The following NEURL1 variants were observed in gnomAD, a reference collection of about 807,000 sequenced individuals.
The protein encoded by NEURL1 is E3 ubiquitin-protein ligase NEURL1.
NEURL1 carries 26 observed loss-of-function variants against 41.2 expected under a neutral mutation model. The observed-to-expected ratio is 0.63, with a 90% CI of 0.46 to 0.87. NEURL1 has a LOEUF of 0.87. NEURL1 is among the 40% of genes least tolerant of loss of function. The pLI is 0.00. For synonymous variants in NEURL1, 400 were observed against 402.3 expected (o/e 0.99, Z 0.07); for missense variants, 761 against 871.1 (o/e 0.87, Z 1.59).
chr10:103,575,673 C>T (rs913279834), intron 3 of NEURL1, among the ~76,000 whole-genome samples: 1 of 152,100 alleles, frequency 6.6e-6, no homozygotes, highest in African/African-American at 2.4e-5. Flanking sequence ...GCAGGCCCTC[C>T]TCCCTGTTAT....
intron 1 of NEURL1, among the ~76,000 whole-genome samples, chr10:103,538,306 C>T (rs1372162875): frequency 6.6e-6 from 1 of 152,184 alleles, no homozygotes; most frequent in Non-Finnish European, 1.5e-5. Context: ...CACGGTGGCT[C>T]ACGCCTGTAG....
chr10:103,528,179 A>G (rs2034499956), intron 1 of NEURL1, among the ~76,000 whole-genome samples: 1 of 152,172 alleles, frequency 6.6e-6, no homozygotes, highest in Admixed American at 6.6e-5. Context: ...AACCTGGTGA[A>G]ACCCCATCTC....
At chr10:103,497,737 G>C (rs2033719247) in intron 1 of NEURL1, among the ~76,000 whole-genome samples, 1 of 152,182 alleles carries the variant, frequency 6.6e-6, no homozygotes. Flanking sequence ...GAACCAACAG[G>C]CAGTGCCCGA....
chr10:103,543,358 C>T (rs1170579449), intron 1 of NEURL1, among the ~76,000 whole-genome samples: 1 of 152,186 alleles, frequency 6.6e-6, no homozygotes, highest in Non-Finnish European at 1.5e-5. Flanking sequence ...GGAGGGCCCC[C>T]ACTGGTGCTG....
chr10:103,551,513 A>G (rs1473489679), intron 1 of NEURL1, among the ~76,000 whole-genome samples: 2 of 152,072 alleles, frequency 1.3e-5, no homozygotes, highest in Non-Finnish European at 2.9e-5. Context: ...CATGTTGGCA[A>G]GGCTGGTCTT....
chr10:103,528,055 A>T (rs1176303449), intron 1 of NEURL1, among the ~76,000 whole-genome samples: 1 of 152,054 alleles, frequency 6.6e-6, no homozygotes, highest in East Asian at 1.9e-4. Context: ...CCCTGTCACT[A>T]GTAAAAATAC....
chr10:103,499,960 T>C (rs980960760), intron 1 of NEURL1, among the ~76,000 whole-genome samples: 1 of 152,226 alleles, frequency 6.6e-6, no homozygotes, highest in Non-Finnish European at 1.5e-5. Context: ...AAGGTCTCCA[T>C]TCTTTGGTCA....
At chr10:103,530,849 G>T (rs1030701078) in intron 1 of NEURL1, among the ~76,000 whole-genome samples, 3 of 152,042 alleles carry the variant, frequency 2.0e-5, no homozygotes, top group Non-Finnish European at 4.4e-5. Context: ...CATGATTTCG[G>T]TTCTTTTAGA....
At chr10:103,528,825 C>T (rs2902633) in intron 1 of NEURL1, among the ~76,000 whole-genome samples, 73,971 of 151,992 alleles carry the variant, frequency 0.49, 18,802 homozygotes, top group African/African-American at 0.62. Flanking sequence ...CTGGGAACTT[C>T]CCAGGAACTG....
chr10:103,561,315 G>T (rs1397283304), intron 1 of NEURL1, among the ~76,000 whole-genome samples: 1 of 150,764 alleles, frequency 6.6e-6, no homozygotes, highest in East Asian at 1.9e-4. Context: ...AGGCTAGAGT[G>T]CAGTGGTGTG....
At chr10:103,583,355 T>A (rs763153410) in intron 3 of NEURL1, among the ~76,000 whole-genome samples, 5 of 152,092 alleles carry the variant, frequency 3.3e-5, no homozygotes, top group Admixed American at 6.5e-5. Context: ...ATTTTCAAAG[T>A]GATGTAGTAC....
At chr10:103,544,836 C>T (rs2034894281) in intron 1 of NEURL1, among the ~76,000 whole-genome samples, 1 of 152,194 alleles carries the variant, frequency 6.6e-6, no homozygotes. Context: ...GCATTTGCTG[C>T]CCACATTCTG....
intron 1 of NEURL1, among the ~76,000 whole-genome samples, chr10:103,539,907 C>T (rs1251140973): frequency 1.3e-5 from 2 of 152,082 alleles, no homozygotes; most frequent in African/African-American, 2.4e-5. Flanking sequence ...TGTTTCTTGC[C>T]TGGAATGTGG....
chr10:103,544,859 C>T (rs2034894654), intron 1 of NEURL1, among the ~76,000 whole-genome samples: 1 of 152,188 alleles, frequency 6.6e-6, no homozygotes, highest in Admixed American at 6.5e-5. Context: ...GCCCTGACTG[C>T]CACCACCGCC....
At chr10:103,505,011 C>A (rs1184332685) in intron 1 of NEURL1, among the ~76,000 whole-genome samples, 1 of 151,698 alleles carries the variant, frequency 6.6e-6, no homozygotes, top group East Asian at 1.9e-4. Context: ...GCTCCAAATG[C>A]CAATGTGCCA....
chr10:103,519,201 C>T (rs1475628918), intron 1 of NEURL1, among the ~76,000 whole-genome samples: 13 of 151,894 alleles, frequency 8.6e-5, no homozygotes, highest in South Asian at 4.2e-4. Context: ...GAGCCGAGAT[C>T]GTGCCATCAC....
intron 1 of NEURL1, among the ~76,000 whole-genome samples, chr10:103,535,730 A>G (rs1379838954): frequency 6.6e-6 from 1 of 152,146 alleles, no homozygotes; most frequent in Non-Finnish European, 1.5e-5. Flanking sequence ...AAGGAGGGGT[A>G]GATGGAGTGG....
In NEURL1 at chr10:103,494,279, C is replaced by A. The variant is rs1351820863; in HGVS notation, c.-109C>A. On this transcript the variant is annotated 5_prime_UTR_variant, in exon 1 of 6. Transcript: ENST00000369780. Reference sequence around the variant, plus strand: ...GCCCCCGGCTGCAGCCCCAGCAGGGCCCTCCCCCGGTGGCGCGCACCCGCG... The same window carrying A: ...GCCCCCGGCTGCAGCCCCAGCAGGGACCTCCCCCGGTGGCGCGCACCCGCG... The A allele has an allele frequency of 4.0e-5, 33 of 823,680 alleles. No homozygotes were observed. Among genetic ancestry groups the A allele is most frequent in the Non-Finnish European group, 5.9e-5 (32 of 542,458 alleles). The allele number at this position is 823,680 out of a possible 1,614,324, so 51.0% of individuals were successfully genotyped here. A position where few individuals can be genotyped will look rare whatever the true frequency, so the allele number is the denominator to read the frequency against.
At chr10:103,512,308 A>T (rs1218947783) in intron 1 of NEURL1, among the ~76,000 whole-genome samples, 1 of 152,160 alleles carries the variant, frequency 6.6e-6, no homozygotes, top group East Asian at 1.9e-4. Context: ...GTGGGCAAGG[A>T]GCTGATGGAG....
Sources: gnomAD v4.1 joint callset for allele counts (sites outside exome capture counted in the v4.1 genomes callset) on GRCh38, gnomAD v4.1.1 for gene constraint, MANE v1.5 for transcripts, NCBI Gene and HGNC (gene_info 2026-07-23, HGNC 2026-07-21) for gene names.